The following EFHC1 variants were observed in gnomAD, a reference collection of about 807,000 sequenced individuals.
EFHC1 encodes EF-hand domain containing 1.
In EFHC1, 53 loss-of-function variants were observed where a neutral mutation model predicts 69.9. The observed-to-expected ratio is 0.76, with a 90% CI of 0.61 to 0.95. EFHC1 has a LOEUF of 0.95. Among genes scored for constraint, EFHC1 ranks in the 40% least tolerant of loss-of-function variants. The probability of loss-of-function intolerance (pLI) is 0.00; values close to 1 mark genes in which losing one functional copy is unlikely to be tolerated. For synonymous variants in EFHC1, 256 were observed against 278.4 expected (o/e 0.92, Z 0.80); for missense variants, 739 against 798.7 (o/e 0.93, Z 0.90).
At chr6:52,433,307 C>T (rs982130037) in intron 2 of EFHC1, among the ~76,000 whole-genome samples, 2 of 152,194 alleles carry the variant, frequency 1.3e-5, no homozygotes, top group African/African-American at 2.4e-5. Context: ...TGGGTAGACT[C>T]TATCAGAGGG....
At chr6:52,432,225 G>A (rs551255557) in intron 2 of EFHC1, among the ~76,000 whole-genome samples, 2 of 152,076 alleles carry the variant, frequency 1.3e-5, no homozygotes, top group Non-Finnish European at 2.9e-5. Flanking sequence ...ATACCATTCT[G>A]TTCATCGTGG....
At chr6:52,421,466 TA>T (rs1329752520) in intron 1 of EFHC1, among the ~76,000 whole-genome samples, 3 of 152,170 alleles carry the variant, frequency 2.0e-5, no homozygotes, top group Non-Finnish European at 4.4e-5. Context: ...GTTTAGCTCT[TA>T]AAATTATTTG....
chr6:52,495,142 A>G lies in EFHC1; in HGVS notation c.*2801A>G. 1 of 454,038 alleles carries G rather than the reference A, an allele frequency of 2.2e-6. No individual in the cohort carries two copies. The highest frequency in any genetic ancestry group is 4.4e-6 in the Non-Finnish European group (1 of 226,786). 28.1% of individuals were successfully genotyped at this position (454,038 alleles called of 1,614,324 possible). Reference sequence around the variant, plus strand: ...CTTCCCAGGAGGCCCTTTCAGGCTGACACACCTTCCAGGGTGTGCACTCTC... The same window carrying G: ...CTTCCCAGGAGGCCCTTTCAGGCTGGCACACCTTCCAGGGTGTGCACTCTC... On this transcript the variant is annotated 3_prime_UTR_variant, in exon 11 of 11. Transcript: ENST00000371068.
chr6:52,442,567 T>C (rs1444472506), intron 3 of EFHC1, among the ~76,000 whole-genome samples: 4 of 152,130 alleles, frequency 2.6e-5, no homozygotes, highest in African/African-American at 7.2e-5. Flanking sequence ...GTCCTTGCGA[T>C]AGTTTGCTCA....
chr6:52,420,770 C>T (rs1031845416), intron 1 of EFHC1, among the ~76,000 whole-genome samples: 1 of 152,096 alleles, frequency 6.6e-6, no homozygotes, highest in Non-Finnish European at 1.5e-5. Context: ...TTCTTTCTTA[C>T]GGCCCTGCTC....
intron 1 of EFHC1, chr6:52,420,955 C>T (rs1764177588): frequency 2.0e-6 from 2 of 1,016,744 alleles, no homozygotes; most frequent in South Asian, 3.0e-5. Flanking sequence ...ACAGGTCCGT[C>T]ATTCCCGCCC....
intron 6 of EFHC1, 158 bp from the exon 7 acceptor site, chr6:52,469,175 T>A: frequency 1.1e-6 from 1 of 897,896 alleles, no homozygotes; most frequent in Non-Finnish European, 1.7e-6. Context: ...AGGAAGGGGA[T>A]AAGTGATATG....
chr6:52,429,562 T>G (rs1455825754), intron 2 of EFHC1, among the ~76,000 whole-genome samples: 1 of 152,234 alleles, frequency 6.6e-6, no homozygotes, highest in Non-Finnish European at 1.5e-5. Flanking sequence ...GTGCCTATTT[T>G]TATACCAGTA....
chr6:52,488,805 TTTATGTC>T (rs1765838916), intron 9 of EFHC1: 1 of 152,220 alleles, frequency 6.6e-6, no homozygotes, highest in African/African-American at 2.4e-5. Context: ...TATACATACT[TTTATGTC>T]TTGAGTTTCT....
intron 1 of EFHC1, chr6:52,420,872 C>A: frequency 2.4e-6 from 1 of 424,684 alleles, no homozygotes; most frequent in Non-Finnish European, 4.0e-6. Context: ...CTCGTTCTCT[C>A]ACATCATAAC....
chr6:52,478,082 A>G (rs929681840), intron 7 of EFHC1, among the ~76,000 whole-genome samples: 1 of 152,234 alleles, frequency 6.6e-6, no homozygotes, highest in African/African-American at 2.4e-5. Flanking sequence ...TACACCATGG[A>G]ATACTATGCA....
intron 3 of EFHC1, among the ~76,000 whole-genome samples, chr6:52,450,101 T>G (rs552768713): frequency 2.0e-4 from 30 of 152,336 alleles, no homozygotes; most frequent in Non-Finnish European, 4.3e-4. Context: ...AATGTCCATG[T>G]AATTGCATGG....
chr6:52,493,676 A>AG lies in EFHC1; in HGVS notation c.*1335_*1336insG. ...ATCTCAAAAAAAAAAAGGTTAGAAAAATGCTGCTTTTAGAGAGCCTGGCCT... is the reference window on the plus strand; with the variant it reads ...ATCTCAAAAAAAAAAAGGTTAGAAAAGATGCTGCTTTTAGAGAGCCTGGCCT... On this transcript the variant is annotated 3_prime_UTR_variant, in exon 11 of 11. Transcript: ENST00000371068. 2.2e-6 allele frequency: 1 copy of AG among 453,706 alleles called. No individual in the cohort carries two copies. Among genetic ancestry groups the AG allele is most frequent in the Non-Finnish European group, 4.4e-6 (1 of 226,700 alleles). The allele number at this position is 453,706 out of a possible 1,614,324, so 28.1% of individuals were successfully genotyped here.
intron 1 of EFHC1, among the ~76,000 whole-genome samples, chr6:52,421,411 G>C (rs1764188968): frequency 6.6e-6 from 1 of 151,728 alleles, no homozygotes; most frequent in East Asian, 1.9e-4. Flanking sequence ...TTTTTAAAAA[G>C]TAGCAGCAGC....
At position 52,492,719 on chromosome 6, in the gene EFHC1, A is replaced by G. The variant is rs1344722154; in HGVS notation, c.*378A>G. On this transcript the variant is annotated 3_prime_UTR_variant, in exon 11 of 11. Transcript: ENST00000371068. ...AGCCTCAGACTCCTGGGCTCAAGTG[A>G]TCCTCCCACTTCAACCTCCCCAGTA... is the stretch of plus-strand genomic sequence containing the variant. 1 of 440,190 alleles carries G rather than the reference A, an allele frequency of 2.3e-6. No homozygotes were observed. Among genetic ancestry groups the G allele is most frequent in the Admixed American group, 2.5e-5 (1 of 40,718 alleles). The allele number at this position is 440,190 out of a possible 1,614,324, so 27.3% of individuals were successfully genotyped here.
At chr6:52,464,782 G>C in intron 5 of EFHC1, 113 bp from the exon 6 acceptor site, 1 of 869,860 alleles carries the variant, frequency 1.1e-6, no homozygotes, top group Non-Finnish European at 1.9e-6. Flanking sequence ...CTCTTGACCA[G>C]AGCAAAAGAC....
intron 2 of EFHC1, among the ~76,000 whole-genome samples, chr6:52,425,975 A>C (rs1764292225): frequency 6.6e-6 from 1 of 152,198 alleles, no homozygotes; most frequent in Non-Finnish European, 1.5e-5. Flanking sequence ...TAATTCCAGC[A>C]TCACCTACTA....
At chr6:52,490,878 C>T (rs1049578316) in intron 10 of EFHC1, 10 of 163,218 alleles carry the variant, frequency 6.1e-5, no homozygotes, top group Admixed American at 5.3e-4. Flanking sequence ...TGAAGGGGGA[C>T]TTTCATGCCT....
intron 2 of EFHC1, 41 bp downstream of exon 2, chr6:52,424,208 T>G (rs762662186): frequency 7.6e-6 from 12 of 1,584,388 alleles, no homozygotes; most frequent in Non-Finnish European, 9.5e-6. Flanking sequence ...AATTAGGGTC[T>G]GAGAGCCAAC....
Sources: gnomAD v4.1 joint callset for allele counts (sites outside exome capture counted in the v4.1 genomes callset) on GRCh38, gnomAD v4.1.1 for gene constraint, MANE v1.5 for transcripts, NCBI Gene and HGNC (gene_info 2026-07-23, HGNC 2026-07-21) for gene names.